ARSL: variants seen among roughly 807,000 people sequenced by gnomAD.
ARSL encodes arylsulfatase L, also known as arylsulfatase E (chondrodysplasia punctata 1).
Under a neutral mutation model 31.1 loss-of-function variants are expected in ARSL, and 4 were observed. The ratio of observed to expected loss-of-function variants is 0.13; its 90% CI spans 0.06 to 0.29. The LOEUF (loss-of-function observed/expected upper bound fraction) is 0.29, where lower values mean the gene tolerates loss of function less well. Among genes scored for constraint, ARSL ranks in the 10% least tolerant of loss-of-function variants. The pLI, the probability that ARSL is intolerant of heterozygous loss-of-function variation, is 1.00. For synonymous variants in ARSL, 198 were observed against 209.9 expected (o/e 0.94, Z 0.49); for missense variants, 312 against 497.8 (o/e 0.63, Z 3.55).
Position 2,938,138 on chromosome X carries a change from G to C in ARSL, c.1246C>G (p.Pro416Ala). 8.3e-7 allele frequency: 1 copy of C among 1,212,052 alleles called. No individual in the cohort carries two copies. The highest frequency in any genetic ancestry group is 1.8e-5 in the South Asian group (1 of 57,016). The change falls in exon 9 of 11, where the codon CCC (proline) becomes GCC (alanine). Residue 416 changes from proline (P) to alanine (A), a missense_variant. Transcript: ENST00000381134. ...GEPTSLMDVF[P>A]TVVRLAGGEV... The stretch of plus-strand genomic sequence containing the variant: ...CCGCCCGCCAGCCGGACCACGGTGG[G>C]GAACACGTCCATCAGACTCGTGGGC...
At chrX:2,943,540 T>C (rs1324938240) in intron 7 of ARSL, among the ~76,000 whole-genome samples, 2 of 108,293 alleles carry the variant, frequency 1.8e-5, no homozygotes, top group Non-Finnish European at 3.8e-5. Flanking sequence ...TCAGGAGTTG[T>C]AGACCAGCCT....
intron 6 of ARSL, among the ~76,000 whole-genome samples, chrX:2,947,807 T>C (rs1178631850): frequency 8.9e-6 from 1 of 112,773 alleles, no homozygotes; most frequent in Non-Finnish European, 1.9e-5. Context: ...CTTTCTGTCA[T>C]ACATTAGGTA....
At chrX:2,948,133 A>G (rs994537125) in intron 6 of ARSL, among the ~76,000 whole-genome samples, 12 of 111,981 alleles carry the variant, frequency 1.1e-4, no homozygotes, top group African/African-American at 3.9e-4. Context: ...AAAAAAAAAG[A>G]AAAAAATTAT....
rs773932426 is a variant in ARSL, at chrX:2,960,430, A to C, written c.-20-10T>G. On this transcript the variant is annotated splice_polypyrimidine_tract_variant and intron_variant, in intron 1 of 10. Coordinates refer to ENST00000381134, the MANE Select transcript of ARSL (RefSeq NM_000047.3). ...TCTCTCTCTCTACTTCCTGTAAGAC[A>C]TAAAGATGTCCACAATCACATTGAC... The C allele has an allele frequency of 8.3e-7, 1 of 1,205,346 alleles. No homozygotes were observed. The highest frequency in any genetic ancestry group is 2.2e-5 in the Admixed American group (1 of 45,819).
chrX:2,967,088 T>C (rs902831282), upstream of ARSL, among the ~76,000 whole-genome samples: 1 of 111,531 alleles, frequency 9.0e-6, no homozygotes, highest in African/African-American at 3.3e-5. Flanking sequence ...GCATATAACA[T>C]ATATATGTAC....
chrX:2,936,923 T>G (rs758440521), intron 9 of ARSL, 60 bp from the exon 10 acceptor site: 37 of 1,195,263 alleles, frequency 3.1e-5, no homozygotes, highest in Non-Finnish European at 3.8e-5. Flanking sequence ...CATTTGTCCC[T>G]CCAGCATCCA....
chrX:2,942,962 C>A, intron 8 of ARSL, 103 bp downstream of exon 8: 1 of 1,093,209 alleles, frequency 9.1e-7, no homozygotes, highest in Admixed American at 2.2e-5. Flanking sequence ...AATCACTGTC[C>A]CTGAGCAATA....
upstream of ARSL, among the ~76,000 whole-genome samples, chrX:2,965,993 A>T (rs1168359503): frequency 8.9e-6 from 1 of 112,060 alleles, no homozygotes; most frequent in Non-Finnish European, 1.9e-5. Flanking sequence ...GTAGAATGGA[A>T]CCCTACGCAA....
chrX:2,955,832 C>T (rs1001383274), intron 3 of ARSL, among the ~76,000 whole-genome samples: 3 of 111,674 alleles, frequency 2.7e-5, no homozygotes, highest in Non-Finnish European at 5.6e-5. Flanking sequence ...CAAGACCAGC[C>T]GGGCCAACAT....
At position 2,934,778 on chromosome X, in the gene ARSL, C is replaced by T; in HGVS notation, c.*54G>A. ...ACCACCATGGCCAGCTGGTTTGTTT[C>T]AATTTGAGTGACAAAATTTAGGAAT... On this transcript the variant is annotated 3_prime_UTR_variant, in exon 11 of 11. Transcript: ENST00000381134. 1 of 1,123,168 alleles carries T rather than the reference C, an allele frequency of 8.9e-7. No individual in the cohort carries two copies. 92.6% of individuals were successfully genotyped at this position (1,123,168 alleles called of 1,213,427 possible).
intron 2 of ARSL, chrX:2,959,797 C>G (rs2089579153): frequency 1.0e-6 from 1 of 1,002,017 alleles, no homozygotes; most frequent in Non-Finnish European, 1.3e-6. Flanking sequence ...GGCTCATGCC[C>G]ATTATCTGAG....
Position 2,953,250 on chromosome X carries a change from A to G in ARSL, c.323T>C (p.Ile108Thr). 8.3e-7 allele frequency: 1 copy of G among 1,209,776 alleles called. No individual in the cohort carries two copies. The highest frequency in any genetic ancestry group is 1.8e-5 in the South Asian group (1 of 56,921). ...GGTCCACTGAAGAACACGGTAACCA[A>G]TGCTGGAAACCATCCCTTTGAGCAA... ...YPVRSGMVSS[I>T]GYRVLQWTGA... is the part of the protein sequence containing the mutation. The change falls in exon 5 of 11, where the codon ATT (isoleucine) becomes ACT (threonine). Residue 108 changes from isoleucine to threonine, a missense_variant. Ile to Thr is a moderately conservative substitution (Grantham distance 89). Coordinates refer to ENST00000381134, the MANE Select transcript of ARSL (RefSeq NM_000047.3).
At chrX:2,959,626 A>C in intron 2 of ARSL, 1 of 1,153,784 alleles carries the variant, frequency 8.7e-7, no homozygotes. Context: ...AATGAAATAC[A>C]ATTCCTTCTG....
chrX:2,946,166 T>A, intron 6 of ARSL, 32 bp from the exon 7 acceptor site: 1 of 1,199,750 alleles, frequency 8.3e-7, no homozygotes, highest in South Asian at 1.8e-5. Flanking sequence ...TTAAGGTGAC[T>A]TTTTTGGTAA....
At chrX:2,936,303 C>G (rs777590556) in intron 10 of ARSL, among the ~76,000 whole-genome samples, 1 of 109,951 alleles carries the variant, frequency 9.1e-6, no homozygotes, top group African/African-American at 3.3e-5. Flanking sequence ...AAAGACTAGT[C>G]TCAAAAAAAT....
intron 10 of ARSL, among the ~76,000 whole-genome samples, chrX:2,936,024 T>A (rs2089196046): frequency 9.0e-6 from 1 of 110,996 alleles, no homozygotes; most frequent in South Asian, 3.8e-4. Flanking sequence ...ACTGAGACCT[T>A]GTTTCAACTT....
chrX:2,961,202 A>G lies in ARSL; in HGVS notation c.-20-782T>C, dbSNP rs1214937463. 2.7e-5 allele frequency among the ~76,000 whole-genome samples: 3 copies of G among 110,940 alleles called. No individual in the cohort carries two copies. The East Asian group carries it at 8.5e-4, about 32-fold the overall frequency. Reference sequence around the variant, plus strand: ...TTCTGTCCACAGAGGGAAACGGGCGACCCCCAAAGCACAGAGGGGCGGCCC... The same window carrying G: ...TTCTGTCCACAGAGGGAAACGGGCGGCCCCCAAAGCACAGAGGGGCGGCCC... On this transcript the variant is annotated intron_variant, in intron 1 of 10. Coordinates refer to ENST00000381134, the MANE Select transcript of ARSL (RefSeq NM_000047.3).
chrX:2,941,159 T>C (rs1480136570), intron 8 of ARSL, among the ~76,000 whole-genome samples: 1 of 109,474 alleles, frequency 9.1e-6, no homozygotes. Flanking sequence ...AGCCTTTAGG[T>C]CTGATAAGAA....
At chrX:2,944,201 A>G (rs1045829001) in intron 7 of ARSL, among the ~76,000 whole-genome samples, 1 of 109,216 alleles carries the variant, frequency 9.2e-6, no homozygotes, top group Middle Eastern at 4.7e-3. Flanking sequence ...CATCCCTGTA[A>G]TCCCAGCACT....
Sources: gnomAD v4.1 joint callset for allele counts (sites outside exome capture counted in the v4.1 genomes callset) on GRCh38, gnomAD v4.1.1 for gene constraint, MANE v1.5 for transcripts, NCBI Gene and HGNC (gene_info 2026-07-23, HGNC 2026-07-21) for gene names.